The following PTPRD variants were observed in gnomAD, a reference collection of about 807,000 sequenced individuals.
PTPRD encodes the protein receptor-type tyrosine-protein phosphatase delta.
In PTPRD, 34 loss-of-function variants were observed where a neutral mutation model predicts 214.5. That is an observed-to-expected ratio of 0.16 (90% confidence interval 0.12 to 0.21). The LOEUF (loss-of-function observed/expected upper bound fraction) is 0.21, where lower values mean the gene tolerates loss of function less well. PTPRD is among the 10% of genes least tolerant of loss of function. The pLI is 1.00. For synonymous variants in PTPRD, 1,128 were observed against 845.7 expected (o/e 1.33, Z -5.79); for missense variants, 2,545 against 2,398.7 (o/e 1.06, Z -1.27).
At chr9:10,464,217 G>T (rs1006350109) in intron 2 of PTPRD, among the ~76,000 whole-genome samples, 3 of 152,020 alleles carry the variant, frequency 2.0e-5, no homozygotes, top group African/African-American at 4.8e-5. Context: ...GACCAACATG[G>T]TGAAACCCCA....
intron 3 of PTPRD, among the ~76,000 whole-genome samples, chr9:10,281,424 G>A (rs1223540765): frequency 3.3e-5 from 5 of 152,198 alleles, no homozygotes; most frequent in Admixed American, 6.5e-5. Context: ...TTCTATTCAT[G>A]CTTTGCTTTA....
chr9:9,191,876 G>A (rs1360936050), intron 9 of PTPRD, among the ~76,000 whole-genome samples: 1 of 151,892 alleles, frequency 6.6e-6, no homozygotes. Flanking sequence ...GAATGTTGGG[G>A]GTATTTTGTG....
chr9:8,536,286 T>C (rs115762212), intron 14 of PTPRD, among the ~76,000 whole-genome samples: 1,959 of 152,112 alleles, frequency 0.013, 36 homozygotes, highest in African/African-American at 0.045. Flanking sequence ...AGAGTTTGAA[T>C]ACTTGGTCAT....
intron 11 of PTPRD, among the ~76,000 whole-genome samples, chr9:8,743,195 A>G (rs1347937836): frequency 6.6e-6 from 1 of 152,150 alleles, no homozygotes; most frequent in Non-Finnish European, 1.5e-5. Context: ...ACATAAACTC[A>G]AAACAGATTT....
At chr9:10,305,761 G>C (rs928812337) in intron 3 of PTPRD, among the ~76,000 whole-genome samples, 2 of 152,104 alleles carry the variant, frequency 1.3e-5, no homozygotes, top group Non-Finnish European at 2.9e-5. Flanking sequence ...TAATTAAAAA[G>C]TCAGGAAACA....
intron 3 of PTPRD, among the ~76,000 whole-genome samples, chr9:10,054,915 A>G (rs1225549422): frequency 1.3e-5 from 2 of 152,060 alleles, no homozygotes; most frequent in Non-Finnish European, 2.9e-5. Context: ...TGGGGTCTTT[A>G]GGAGATAATT....
At chr9:9,109,926 C>A (rs1158333882) in intron 10 of PTPRD, among the ~76,000 whole-genome samples, 1 of 151,918 alleles carries the variant, frequency 6.6e-6, no homozygotes, top group East Asian at 1.9e-4. Context: ...GGAGACATTT[C>A]TATAAGGGTC....
chr9:9,858,528 C>A (rs769649831), intron 5 of PTPRD, among the ~76,000 whole-genome samples: 2 of 152,146 alleles, frequency 1.3e-5, no homozygotes, highest in Non-Finnish European at 2.9e-5. Context: ...AGAAGAGACA[C>A]AACTAATTCA....
chr9:8,861,601 C>G (rs1299356078), intron 11 of PTPRD: 1 of 152,110 alleles, frequency 6.6e-6, no homozygotes, highest in Non-Finnish European at 1.5e-5. Flanking sequence ...TTTGGCCAAG[C>G]TGACACAGTG....
intron 2 of PTPRD, among the ~76,000 whole-genome samples, chr9:10,342,841 A>T (rs12552756): frequency 2.0e-5 from 3 of 152,078 alleles, no homozygotes; most frequent in South Asian, 2.1e-4. Context: ...TCTACTTACC[A>T]GCATATGTCC....
chr9:10,586,963 A>T (rs1423164558), intron 2 of PTPRD, among the ~76,000 whole-genome samples: 5 of 152,098 alleles, frequency 3.3e-5, no homozygotes, highest in Admixed American at 3.3e-4. Context: ...ATTTATCTAA[A>T]CAATTAAGGG....
intron 5 of PTPRD, among the ~76,000 whole-genome samples, chr9:9,930,772 T>A (rs953721040): frequency 6.6e-6 from 1 of 152,050 alleles, no homozygotes. Flanking sequence ...CAGAACAATA[T>A]AAGTGAGCAT....
rs145759641 is a variant in PTPRD, at chr9:10,443,315, G to A, written c.-599-102298C>T. ...TAAAGTAATGTCTGATGATAAATTG[G>A]GTTTATGGTGAGCCGCTACATTCAA... On this transcript the variant is annotated intron_variant, in intron 2 of 45. Transcript: ENST00000381196. Among the ~76,000 whole-genome samples the A allele has an allele frequency of 4.5e-3, 680 of 151,568 alleles. 1 individual carries two copies. Among genetic ancestry groups the A allele is most frequent in the African/African-American group, 0.015 (632 of 41,434 alleles).
chr9:10,055,336 A>G (rs545655891), intron 3 of PTPRD, among the ~76,000 whole-genome samples: 33 of 152,280 alleles, frequency 2.2e-4, no homozygotes, highest in African/African-American at 7.5e-4. Context: ...GATCGGCATG[A>G]TAAATATAGT....
intron 11 of PTPRD, among the ~76,000 whole-genome samples, chr9:8,757,887 C>T (rs2094134813): frequency 6.6e-6 from 1 of 152,084 alleles, no homozygotes; most frequent in Non-Finnish European, 1.5e-5. Context: ...TCCTTGGGAT[C>T]TCTATCTATA....
chr9:9,032,958 A>T (rs1169841937), intron 10 of PTPRD, among the ~76,000 whole-genome samples: 1 of 152,084 alleles, frequency 6.6e-6, no homozygotes, highest in African/African-American at 2.4e-5. Context: ...CTCTCAGACC[A>T]GCAGATACAC....
intron 8 of PTPRD, among the ~76,000 whole-genome samples, chr9:9,484,534 G>A (rs150310551): frequency 6.6e-6 from 1 of 152,100 alleles, no homozygotes; most frequent in Non-Finnish European, 1.5e-5. Context: ...GTTTGTTGCT[G>A]AATGTAAATC....
chr9:9,690,277 G>A (rs1049101939), intron 7 of PTPRD, among the ~76,000 whole-genome samples: 67 of 151,966 alleles, frequency 4.4e-4, no homozygotes, highest in African/African-American at 1.5e-3. Flanking sequence ...TTGGCCATTT[G>A]TGTGTCTTCT....
At chr9:9,041,947 T>C (rs2099641216) in intron 10 of PTPRD, among the ~76,000 whole-genome samples, 1 of 152,200 alleles carries the variant, frequency 6.6e-6, no homozygotes. Context: ...GTCTCCTTTG[T>C]CTTGGCAGAA....
Sources: gnomAD v4.1 joint callset for allele counts (sites outside exome capture counted in the v4.1 genomes callset) on GRCh38, gnomAD v4.1.1 for gene constraint, MANE v1.5 for transcripts, NCBI Gene and HGNC (gene_info 2026-07-23, HGNC 2026-07-21) for gene names.